Variants in GRM5 observed in about 807,000 individuals in gnomAD.
GRM5 encodes metabotropic glutamate receptor 5.
GRM5 carries 19 observed loss-of-function variants against 83.1 expected under a neutral mutation model. The ratio of observed to expected loss-of-function variants is 0.23; its 90% CI spans 0.16 to 0.34. The LOEUF (loss-of-function observed/expected upper bound fraction) is 0.34. GRM5 is among the 10% of genes least tolerant of loss of function. The probability of loss-of-function intolerance (pLI) is 1.00; values close to 1 mark genes in which losing one functional copy is unlikely to be tolerated. For missense variants in GRM5, 1,160 were observed against 1,588.3 expected (o/e 0.73, Z 4.58); for synonymous variants, 675 against 633.6 (o/e 1.07, Z -0.98).
chr11:88,763,431 A>G (rs1026873631), intron 3 of GRM5, among the ~76,000 whole-genome samples: 1 of 151,854 alleles, frequency 6.6e-6, no homozygotes, highest in African/African-American at 2.4e-5. Flanking sequence ...CTACATGACT[A>G]AATTACATAA....
At chr11:88,568,174 T>C (rs1014949920) in intron 7 of GRM5, among the ~76,000 whole-genome samples, 182 bp from the exon 8 acceptor site, 1 of 152,230 alleles carries the variant, frequency 6.6e-6, no homozygotes, top group African/African-American at 2.4e-5. Context: ...ATGATGATAT[T>C]ACTGAACATG....
chr11:89,026,557 A>T (rs1311364887), intron 2 of GRM5, among the ~76,000 whole-genome samples: 4 of 152,110 alleles, frequency 2.6e-5, no homozygotes, highest in Non-Finnish European at 5.9e-5. Context: ...AATATTACTT[A>T]TTTTCTCTGT....
At chr11:89,043,797 T>C (rs1361443839) in intron 2 of GRM5, among the ~76,000 whole-genome samples, 1 of 152,154 alleles carries the variant, frequency 6.6e-6, no homozygotes, top group Non-Finnish European at 1.5e-5. Flanking sequence ...TTTGTTGATC[T>C]GCATTGCACG....
At chr11:89,029,298 T>C (rs1215383233) in intron 2 of GRM5, among the ~76,000 whole-genome samples, 1 of 152,188 alleles carries the variant, frequency 6.6e-6, no homozygotes, top group African/African-American at 2.4e-5. Context: ...AAAAATTTTT[T>C]GGATTATTCT....
chr11:88,770,895 T>C (rs898837389), intron 3 of GRM5, among the ~76,000 whole-genome samples: 3 of 152,096 alleles, frequency 2.0e-5, no homozygotes, highest in African/African-American at 7.2e-5. Flanking sequence ...TCACTTAGCG[T>C]CAGAATGGAT....
At chr11:88,993,025 AAATAAAAT>A (rs1365413878) in intron 2 of GRM5, among the ~76,000 whole-genome samples, 3 of 139,414 alleles carry the variant, frequency 2.2e-5, no homozygotes, top group Admixed American at 1.4e-4. Context: ...TAAATAAAAT[AAATAAAAT>A]AATAAAAAAA....
chr11:88,607,464 G>C (rs1352842966), intron 4 of GRM5, among the ~76,000 whole-genome samples: 1 of 152,168 alleles, frequency 6.6e-6, no homozygotes, highest in Admixed American at 6.5e-5. Context: ...CTGGTTGCCT[G>C]CTTTCTCCTT....
intron 3 of GRM5, among the ~76,000 whole-genome samples, chr11:88,738,699 T>A (rs1406757413): frequency 6.6e-6 from 1 of 152,106 alleles, no homozygotes; most frequent in East Asian, 1.9e-4. Context: ...TACATCTCTG[T>A]TTACCAATCT....
At chr11:88,836,420 T>C (rs905849975) in intron 3 of GRM5, among the ~76,000 whole-genome samples, 49 of 152,204 alleles carry the variant, frequency 3.2e-4, no homozygotes, top group African/African-American at 8.7e-4. Context: ...CATATGTATA[T>C]ATGTGTGTAT....
intron 4 of GRM5, among the ~76,000 whole-genome samples, chr11:88,630,253 C>G (rs540380011): frequency 6.6e-6 from 1 of 152,206 alleles, no homozygotes; most frequent in South Asian, 2.1e-4. Context: ...TTTACTCTGT[C>G]TCCCCTAACA....
chr11:88,574,299 G>A lies in GRM5; in HGVS notation c.1691-6307C>T, dbSNP rs1282105265. On this transcript the variant is annotated intron_variant, in intron 7 of 9. Coordinates refer to ENST00000305447, the MANE Select transcript of GRM5 (RefSeq NM_001143831.3). ...TAAGTCATTCTCAAAAAACTTTTGC[G>A]TTGCCTTTAGAAGTCCCAAGTTACA... Among the ~76,000 whole-genome samples the A allele has an allele frequency of 5.3e-5, 8 of 152,040 alleles. No homozygotes were observed. In the East Asian group the frequency reaches 5.8e-4, roughly 11 times the overall value.
rs1031630720 is a variant in GRM5, at chr11:88,507,602, T to A, written c.*990A>T. 1.3e-5 allele frequency: 2 copies of A among 152,196 alleles called. No homozygotes were observed. Among genetic ancestry groups the A allele is most frequent in the Non-Finnish European group, 2.9e-5 (2 of 68,028 alleles). The allele number at this position is 152,196 out of a possible 1,614,324, so 9.4% of individuals were successfully genotyped here. On this transcript the variant is annotated 3_prime_UTR_variant, in exon 10 of 10. Transcript: ENST00000305447. ...GCATCAGGTTCTCAAAATAAAGGAA[T>A]GAAGAAGCCCCAATGCATATTTTAA...
At chr11:88,544,573 C>T (rs1391905255) in intron 8 of GRM5, among the ~76,000 whole-genome samples, 4 of 152,200 alleles carry the variant, frequency 2.6e-5, no homozygotes, top group African/African-American at 9.7e-5. Context: ...CTCTAGGGGG[C>T]CTTGTTCATC....
In GRM5 at chr11:88,605,040, G is replaced by C. The variant is rs921749771; in HGVS notation, c.1148-76C>G. ...GACATTCCTGGGTACTGAATAATGG[G>C]TTACCTGTAATTAGAGAATGCACTG... On this transcript the variant is annotated intron_variant, in intron 4 of 9. Transcript: ENST00000305447. The C allele has an allele frequency of 3.3e-6, 4 of 1,210,126 alleles. No individual in the cohort carries two copies. In the African/African-American group the frequency reaches 5.9e-5, roughly 18 times the overall value. 75.0% of individuals were successfully genotyped at this position (1,210,126 alleles called of 1,614,324 possible). A position where few individuals can be genotyped will look rare whatever the true frequency, so the allele number is the denominator to read the frequency against.
At chr11:88,704,884 G>C (rs899668813) in intron 3 of GRM5, among the ~76,000 whole-genome samples, 1 of 151,876 alleles carries the variant, frequency 6.6e-6, no homozygotes, top group Non-Finnish European at 1.5e-5. Context: ...GTCTTCCCTT[G>C]GTCTGTGAAA....
At chr11:88,999,859 C>A (rs1452086575) in intron 2 of GRM5, among the ~76,000 whole-genome samples, 1 of 152,164 alleles carries the variant, frequency 6.6e-6, no homozygotes, top group African/African-American at 2.4e-5. Flanking sequence ...CAATGATAGA[C>A]TAGATTAAGA....
At chr11:89,061,793 C>T (rs1385321039) in intron 1 of GRM5, among the ~76,000 whole-genome samples, 1 of 152,214 alleles carries the variant, frequency 6.6e-6, no homozygotes, top group Non-Finnish European at 1.5e-5. Flanking sequence ...TCGACACATC[C>T]TTTCATAAGT....
intron 3 of GRM5, among the ~76,000 whole-genome samples, chr11:88,742,127 C>A (rs543114837): frequency 1.3e-5 from 2 of 151,832 alleles, no homozygotes; most frequent in East Asian, 3.9e-4. Flanking sequence ...TTTGTGTAAC[C>A]CCTTTCCTAA....
chr11:88,589,956 C>G (rs1937610497), intron 7 of GRM5, among the ~76,000 whole-genome samples: 1 of 151,970 alleles, frequency 6.6e-6, no homozygotes, highest in African/African-American at 2.4e-5. Flanking sequence ...GAATCATATT[C>G]TGTTTATATA....
Sources: allele counts gnomAD v4.1 joint callset (sites outside exome capture counted in the v4.1 genomes callset), GRCh38; gene constraint gnomAD v4.1.1; transcripts MANE v1.5; gene names NCBI Gene and HGNC (gene_info 2026-07-23, HGNC 2026-07-21).